ZNF248: variants seen among roughly 807,000 people sequenced by gnomAD.
The protein encoded by ZNF248 is KRAB protein domain.
A neutral mutation model predicts 44.3 loss-of-function variants in ZNF248; 20 were observed. That is an observed-to-expected ratio of 0.45 (90% confidence interval 0.32 to 0.66). The LOEUF (loss-of-function observed/expected upper bound fraction) is 0.66. Ranked by LOEUF, ZNF248 falls within the 30% of genes least tolerant of loss-of-function variation. The pLI is 0.04. For synonymous variants in ZNF248, 224 were observed against 229.0 expected (o/e 0.98, Z 0.20); for missense variants, 654 against 677.0 (o/e 0.97, Z 0.38).
Position 37,829,888 on chromosome 10 carries a change from A to G in ZNF248, c.*1727T>C. 1 of 985,420 alleles carries G rather than the reference A, an allele frequency of 1.0e-6. No homozygotes were observed. The highest frequency in any genetic ancestry group is 1.7e-5 in the African/African-American group (1 of 57,348). The allele number at this position is 985,420 out of a possible 1,614,324, so 61.0% of individuals were successfully genotyped here. ...GGAACTTCCATGATTAGCTTTGACT[A>G]ATCTGGACTTACCACCTAAGTCATC... On this transcript the variant is annotated 3_prime_UTR_variant, in exon 6 of 6. Transcript: ENST00000395867.
intron 6 of ZNF248, chr10:37,802,945 T>A (rs1031572326): frequency 1.3e-5 from 2 of 152,244 alleles, no homozygotes; most frequent in African/African-American, 4.8e-5. Flanking sequence ...TCCTCCAGTC[T>A]CGGCCTCTTA....
intron 6 of ZNF248, chr10:37,818,932 A>C (rs1433853876): frequency 1.8e-6 from 2 of 1,109,466 alleles, no homozygotes; most frequent in Non-Finnish European, 2.7e-6. Context: ...CACCGACCAC[A>C]CAACAATTTT....
intron 5 of ZNF248, among the ~76,000 whole-genome samples, chr10:37,836,931 A>T (rs1166429059): frequency 6.6e-6 from 1 of 152,036 alleles, no homozygotes; most frequent in Non-Finnish European, 1.5e-5. Context: ...ATATAGAAGG[A>T]TTGCATGAAT....
intron 6 of ZNF248, among the ~76,000 whole-genome samples, chr10:37,822,838 G>T (rs2053695661): frequency 6.6e-6 from 1 of 152,082 alleles, no homozygotes; most frequent in South Asian, 2.1e-4. Context: ...AAGTCATCCT[G>T]GGCAACAGGC....
intron 6 of ZNF248, among the ~76,000 whole-genome samples, chr10:37,789,418 A>G (rs961816780): frequency 6.6e-6 from 1 of 152,196 alleles, no homozygotes; most frequent in Non-Finnish European, 1.5e-5. Context: ...GAAGAGCTCA[A>G]AAGGTGTCTG....
intron 6 of ZNF248, among the ~76,000 whole-genome samples, chr10:37,783,150 C>T (rs2047507206): frequency 6.6e-6 from 1 of 152,098 alleles, no homozygotes; most frequent in Admixed American, 6.6e-5. Context: ...TTGAGTGGAC[C>T]ATGTCACATG....
chr10:37,852,616 A>C (rs2060474790), intron 3 of ZNF248, among the ~76,000 whole-genome samples: 1 of 151,562 alleles, frequency 6.6e-6, no homozygotes, highest in African/African-American at 2.4e-5. Context: ...CCTGGGTGAC[A>C]GAATAAGACC....
chr10:37,823,739 A>G (rs1240577592), intron 6 of ZNF248, among the ~76,000 whole-genome samples: 1 of 151,764 alleles, frequency 6.6e-6, no homozygotes, highest in Non-Finnish European at 1.5e-5. Flanking sequence ...ATGCCTGGCT[A>G]ATTTTTGTAT....
At position 37,830,428 on chromosome 10, in the gene ZNF248, C is replaced by G. The variant is rs576245717; in HGVS notation, c.*1187G>C. On this transcript the variant is annotated 3_prime_UTR_variant, in exon 6 of 6. Coordinates refer to ENST00000395867, the MANE Select transcript of ZNF248 (RefSeq NM_021045.3). ...CTAAAAACATATACTGGCCAACCTACAAAGAGACTCCGGTAGTATTTAGAG... is the reference window on the plus strand; with the variant it reads ...CTAAAAACATATACTGGCCAACCTAGAAAGAGACTCCGGTAGTATTTAGAG... 1.6e-5 allele frequency: 16 copies of G among 985,282 alleles called. No individual in the cohort carries two copies. The African/African-American group carries it at 2.6e-4, about 16-fold the overall frequency. 61.0% of individuals were successfully genotyped at this position (985,282 alleles called of 1,614,324 possible). A position where few individuals can be genotyped will look rare whatever the true frequency, so the allele number is the denominator to read the frequency against.
At chr10:37,780,634 C>G (rs2047173723) in intron 6 of ZNF248, among the ~76,000 whole-genome samples, 1 of 152,234 alleles carries the variant, frequency 6.6e-6, no homozygotes, top group African/African-American at 2.4e-5. Flanking sequence ...CTAATTCACA[C>G]CCAGCTCAGC....
chr10:37,808,349 C>A (rs1301853962), intron 6 of ZNF248, among the ~76,000 whole-genome samples: 1 of 150,036 alleles, frequency 6.7e-6, no homozygotes, highest in African/African-American at 2.5e-5. Flanking sequence ...GGGATGTGAT[C>A]TCAGCTCACT....
intron 3 of ZNF248, among the ~76,000 whole-genome samples, chr10:37,855,866 T>C (rs1374479683): frequency 6.6e-6 from 1 of 152,170 alleles, no homozygotes; most frequent in Non-Finnish European, 1.5e-5. Context: ...ACACAAACAG[T>C]TAGGGAAAAC....
intron 6 of ZNF248, among the ~76,000 whole-genome samples, chr10:37,811,619 G>A (rs1388552373): frequency 6.6e-6 from 1 of 150,846 alleles, no homozygotes; most frequent in Non-Finnish European, 1.5e-5. Context: ...CAGACTGCTT[G>A]AGCCCAAGAG....
chr10:37,820,524 C>T, intron 6 of ZNF248: 2 of 1,601,632 alleles, frequency 1.2e-6, no homozygotes, highest in Non-Finnish European at 8.5e-7. Flanking sequence ...GAGGATCGTG[C>T]AACTGGTGCA....
At chr10:37,789,685 T>C (rs897242468) in intron 6 of ZNF248, among the ~76,000 whole-genome samples, 14 of 152,228 alleles carry the variant, frequency 9.2e-5, no homozygotes, top group African/African-American at 3.4e-4. Context: ...TAAAAAAGTT[T>C]CTTCTCAGAA....
the ZNF248 span, among the ~76,000 whole-genome samples, chr10:37,765,168 G>A: frequency 6.6e-6 from 1 of 151,996 alleles, no homozygotes; most frequent in South Asian, 2.1e-4. Flanking sequence ...TGTCAGCCAG[G>A]CTGGTCTCGA....
At chr10:37,758,824 G>T in the ZNF248 span, among the ~76,000 whole-genome samples, 2 of 152,106 alleles carry the variant, frequency 1.3e-5, no homozygotes, top group Admixed American at 6.5e-5. Context: ...TAATGTTTTT[G>T]ATGTAGCTTA....
chr10:37,809,259 G>C (rs2051113269), intron 6 of ZNF248, among the ~76,000 whole-genome samples: 1 of 148,288 alleles, frequency 6.7e-6, no homozygotes, highest in Non-Finnish European at 1.5e-5. Context: ...TGATACATTT[G>C]AGCTTAGTTC....
intron 6 of ZNF248, chr10:37,818,690 A>G (rs368373661): frequency 1.1e-5 from 6 of 549,404 alleles, no homozygotes; most frequent in African/African-American, 9.6e-5. Context: ...ATTTTTGGAT[A>G]TAATGCAGCA....
Sources: gnomAD v4.1 joint callset for allele counts (sites outside exome capture counted in the v4.1 genomes callset) on GRCh38, gnomAD v4.1.1 for gene constraint, MANE v1.5 for transcripts, NCBI Gene and HGNC (gene_info 2026-07-23, HGNC 2026-07-21) for gene names.